Variants in SLF1 observed in about 807,000 individuals in gnomAD.
SLF1 encodes SMC5/6 complex localization factor 1.
A neutral mutation model predicts 123.0 loss-of-function variants in SLF1; 105 were observed. The observed-to-expected ratio is 0.85, with a 90% CI of 0.73 to 1.00. The LOEUF (loss-of-function observed/expected upper bound fraction) is 1.00, where lower values mean the gene tolerates loss of function less well. Among genes scored for constraint, SLF1 ranks in the 50% least tolerant of loss-of-function variants. The probability of loss-of-function intolerance (pLI) is 0.00; values close to 1 mark genes in which losing one functional copy is unlikely to be tolerated. For missense variants in SLF1, 1,239 were observed against 1,223.0 expected (o/e 1.01, Z -0.20); for synonymous variants, 434 against 406.6 (o/e 1.07, Z -0.81).
At chr5:94,642,087 G>A (rs1746513377) in intron 4 of SLF1, among the ~76,000 whole-genome samples, 1 of 152,306 alleles carries the variant, frequency 6.6e-6, no homozygotes, top group Non-Finnish European at 1.5e-5. Flanking sequence ...ACCCCTCCAA[G>A]AGAAGCAGTG....
intron 14 of SLF1, among the ~76,000 whole-genome samples, chr5:94,673,845 T>G (rs866532304): frequency 6.6e-6 from 1 of 152,096 alleles, no homozygotes; most frequent in Non-Finnish European, 1.5e-5. Context: ...TTTTTTTTTT[T>G]CTAAATCAGC....
intron 11 of SLF1, among the ~76,000 whole-genome samples, chr5:94,664,497 G>T (rs961688316): frequency 3.3e-5 from 5 of 152,182 alleles, no homozygotes; most frequent in Non-Finnish European, 4.4e-5. Flanking sequence ...GTCTTGCTAT[G>T]TTGCCCATGC....
intron 1 of SLF1, among the ~76,000 whole-genome samples, chr5:94,622,480 A>G (rs944854278): frequency 3.3e-5 from 5 of 152,220 alleles, no homozygotes; most frequent in Non-Finnish European, 7.3e-5. Flanking sequence ...ATAAAAATGA[A>G]GATATGAAAC....
chr5:94,653,263 T>C lies in SLF1; in HGVS notation c.883-9T>C. Reference sequence around the variant, plus strand: ...TGTTGAGATTTAATTGTGGTCTAAATACATGTAGAAGGAAATTAAGAAAAA... The same window carrying C: ...TGTTGAGATTTAATTGTGGTCTAAACACATGTAGAAGGAAATTAAGAAAAA... On this transcript the variant is annotated splice_polypyrimidine_tract_variant and intron_variant, in intron 7 of 20. Coordinates refer to ENST00000265140, the MANE Select transcript of SLF1 (RefSeq NM_032290.4). The C allele has an allele frequency of 1.3e-6, 2 of 1,513,344 alleles. No individual in the cohort carries two copies. Among genetic ancestry groups the C allele is most frequent in the Non-Finnish European group, 1.8e-6 (2 of 1,130,674 alleles). The allele number at this position is 1,513,344 out of a possible 1,614,324, so 93.7% of individuals were successfully genotyped here.
intron 7 of SLF1, among the ~76,000 whole-genome samples, 172 bp from the exon 8 acceptor site, chr5:94,653,100 G>A (rs556966770): frequency 6.6e-6 from 1 of 152,054 alleles, no homozygotes; most frequent in South Asian, 2.1e-4. Flanking sequence ...CAGGTGATCC[G>A]CCCGCCTTGG....
chr5:94,618,586 A>G (rs1213675004), upstream of SLF1: 3 of 154,308 alleles, frequency 1.9e-5, no homozygotes, highest in Non-Finnish European at 2.9e-5. Context: ...CACCCTGGCG[A>G]CGGCTCCGGA....
chr5:94,638,201 CAG>C (rs1389517542), intron 4 of SLF1, among the ~76,000 whole-genome samples: 1 of 151,824 alleles, frequency 6.6e-6, no homozygotes, highest in Non-Finnish European at 1.5e-5. Flanking sequence ...TTTTTTGAGA[CAG>C]AGTCTCACTC....
chr5:94,677,388 G>A (rs1173331313), intron 14 of SLF1, among the ~76,000 whole-genome samples: 1 of 152,058 alleles, frequency 6.6e-6, no homozygotes, highest in African/African-American at 2.4e-5. Flanking sequence ...AATAAATATT[G>A]TGATAATAGA....
intron 4 of SLF1, among the ~76,000 whole-genome samples, chr5:94,642,531 T>A (rs919266601): frequency 6.6e-6 from 1 of 152,198 alleles, no homozygotes; most frequent in East Asian, 1.9e-4. Context: ...TTATCCCTCT[T>A]CAGAAATCAC....
chr5:94,652,944 G>A (rs1214213847), intron 7 of SLF1, among the ~76,000 whole-genome samples: 3 of 152,080 alleles, frequency 2.0e-5, no homozygotes, highest in Admixed American at 2.0e-4. Flanking sequence ...CACAACCTCC[G>A]CCTTCCAGGT....
intron 15 of SLF1, among the ~76,000 whole-genome samples, chr5:94,680,522 T>C (rs1751644099): frequency 6.6e-6 from 1 of 152,228 alleles, no homozygotes; most frequent in South Asian, 2.1e-4. Flanking sequence ...AACTAAGCAT[T>C]TGACTAACAG....
chr5:94,638,560 G>C (rs1391921492), intron 4 of SLF1, among the ~76,000 whole-genome samples: 1 of 152,168 alleles, frequency 6.6e-6, no homozygotes, highest in Non-Finnish European at 1.5e-5. Flanking sequence ...CACATGAGTG[G>C]ACTTCCTGAG....
chr5:94,632,030 C>T (rs1745264829), intron 4 of SLF1, among the ~76,000 whole-genome samples: 1 of 149,658 alleles, frequency 6.7e-6, no homozygotes, highest in Non-Finnish European at 1.5e-5. Context: ...TGTCCTAGTC[C>T]TAGCCACTTG....
chr5:94,685,336 ACTTTG>A (rs1752290264), intron 15 of SLF1, among the ~76,000 whole-genome samples: 1 of 152,046 alleles, frequency 6.6e-6, no homozygotes, highest in African/African-American at 2.4e-5. Flanking sequence ...TATTATGTTT[ACTTTG>A]CTAACTGTAT....
rs752472422 is a variant in SLF1 at position 94,663,924 on chromosome 5, AG to A, written c.1368+18del. On this transcript the variant is annotated intron_variant, in intron 11 of 20. Transcript: ENST00000265140. ...CGTTCTACAGGTAAGAGCAGCCTTA[AG>A]GATTTATAATCTTTTTTTCAAAGAA... The A allele has an allele frequency of 5.5e-6, 8 of 1,466,854 alleles. No individual in the cohort carries two copies. The Admixed American group carries it at 1.5e-4, about 27-fold the overall frequency. 90.9% of individuals were successfully genotyped at this position (1,466,854 alleles called of 1,614,324 possible). A position where few individuals can be genotyped will look rare whatever the true frequency, so the allele number is the denominator to read the frequency against.
chr5:94,631,080 G>A (rs1466855225), intron 4 of SLF1, among the ~76,000 whole-genome samples: 10 of 152,158 alleles, frequency 6.6e-5, no homozygotes, highest in Non-Finnish European at 1.5e-4. Context: ...TATCACAAAA[G>A]CATCATTCTG....
rs1398051583 is a variant in SLF1 at position 94,630,754 on chromosome 5, A to T, written c.431+11A>T. ...TGATTCTCTTATAAGGTAGGATGTG[A>T]TTACATAAAAGCTAAAGCAATTAAT... is the stretch of plus-strand genomic sequence containing the variant. On this transcript the variant is annotated intron_variant, in intron 4 of 20. Transcript: ENST00000265140. 1.2e-5 allele frequency: 19 copies of T among 1,537,930 alleles called. No homozygotes were observed. The highest frequency in any genetic ancestry group is 2.0e-5 in the Admixed American group (1 of 49,486).
chr5:94,691,683 T>A (rs754559182), intron 19 of SLF1, 27 bp downstream of exon 19: 1 of 1,513,796 alleles, frequency 6.6e-7, no homozygotes, highest in South Asian at 1.2e-5. Flanking sequence ...TGTGGTCTAG[T>A]CCAATGTCTT....
intron 14 of SLF1, among the ~76,000 whole-genome samples, chr5:94,671,687 A>T (rs1404954432): frequency 2.2e-5 from 3 of 139,148 alleles, no homozygotes; most frequent in African/African-American, 5.4e-5. Flanking sequence ...TATCTTCTTG[A>T]ATCTTTTTTT....
Sources: gnomAD v4.1 joint callset for allele counts (sites outside exome capture counted in the v4.1 genomes callset) on GRCh38, gnomAD v4.1.1 for gene constraint, MANE v1.5 for transcripts, NCBI Gene and HGNC (gene_info 2026-07-23, HGNC 2026-07-21) for gene names.